NSF: variants seen among roughly 807,000 people sequenced by gnomAD.
NSF encodes the protein vesicle-fusing ATPase.
NSF carries 14 observed loss-of-function variants against 50.3 expected under a neutral mutation model. That is an observed-to-expected ratio of 0.28 (90% CI 0.18 to 0.44). The LOEUF is 0.44. Ranked by LOEUF, NSF falls within the 20% of genes least tolerant of loss-of-function variation. The pLI, the probability that NSF is intolerant of heterozygous loss-of-function variation, is 1.00. For missense variants in NSF, 218 were observed against 504.3 expected, an observed-to-expected ratio of 0.43 and a Z score of 5.44; for synonymous variants, 109 against 175.7, an observed-to-expected ratio of 0.62 and a Z score of 3.00.
intron 15 of NSF, chr17:46,722,020 C>T (rs922796029): frequency 1.2e-5 from 20 of 1,609,224 alleles, no homozygotes; most frequent in Non-Finnish European, 1.6e-5. Flanking sequence ...CTTCAGTTTC[C>T]TTGGCTGCCG....
intron 13 of NSF, among the ~76,000 whole-genome samples, chr17:46,710,591 G>A (rs995050616): frequency 2.6e-5 from 4 of 152,112 alleles, no homozygotes; most frequent in African/African-American, 7.2e-5. Context: ...TGTCTATTGC[G>A]CTGTTTCTAA....
Position 46,755,937 on chromosome 17 carries a change from C to A in NSF, c.*114C>A, listed in dbSNP as rs1410624807. 1.4e-5 allele frequency: 14 copies of A among 982,824 alleles called. No individual in the cohort carries two copies. The highest frequency in any genetic ancestry group is 1.9e-5 in the Non-Finnish European group (12 of 644,654). The allele number at this position is 982,824 out of a possible 1,614,324, so 60.9% of individuals were successfully genotyped here. A position where few individuals can be genotyped will look rare whatever the true frequency, so the allele number is the denominator to read the frequency against. On this transcript the variant is annotated 3_prime_UTR_variant, in exon 21 of 21. Transcript: ENST00000398238. Reference sequence around the variant, plus strand: ...GACTAAGTGGAACGTTCTCTACCTTCAACATGTGCTCGCTCTGCATGATTA... The same window carrying A: ...GACTAAGTGGAACGTTCTCTACCTTAAACATGTGCTCGCTCTGCATGATTA...
intron 15 of NSF, among the ~76,000 whole-genome samples, chr17:46,720,518 C>T (rs1159014074): frequency 1.3e-5 from 2 of 152,192 alleles, no homozygotes; most frequent in African/African-American, 4.8e-5. Context: ...GGTCCACTTC[C>T]TGAGGCAGTT....
intron 17 of NSF, among the ~76,000 whole-genome samples, chr17:46,735,592 C>T (rs981932428): frequency 1.3e-5 from 2 of 152,042 alleles, no homozygotes; most frequent in Non-Finnish European, 2.9e-5. Flanking sequence ...TCATGTGTTA[C>T]CTACTCTGTT....
In NSF at chr17:46,704,919, G is replaced by A. The variant is rs549082663; in HGVS notation, c.1470+65G>A. ...ATGATAATAATAACTCAGGCGAAAA[G>A]TAAGTGCCATTTACTCAGTATTATG... is the stretch of plus-strand genomic sequence containing the variant. On this transcript the variant is annotated intron_variant, in intron 13 of 20. Transcript: ENST00000398238. The A allele has an allele frequency of 1.0e-5, 16 of 1,527,182 alleles. No homozygotes were observed. In the East Asian group the frequency reaches 2.4e-4, roughly 23 times the overall value. The allele number at this position is 1,527,182 out of a possible 1,614,324, so 94.6% of individuals were successfully genotyped here. A position where few individuals can be genotyped will look rare whatever the true frequency, so the allele number is the denominator to read the frequency against.
intron 4 of NSF, among the ~76,000 whole-genome samples, chr17:46,633,824 T>A (rs138572019): frequency 0.16 from 15,610 of 98,176 alleles, 837 homozygotes; most frequent in East Asian, 0.42. Flanking sequence ...TAAGCTCTTT[T>A]GCCTATCAAA....
intron 9 of NSF, among the ~76,000 whole-genome samples, chr17:46,692,274 A>G (rs1279920777): frequency 8.7e-6 from 1 of 115,138 alleles, no homozygotes; most frequent in Non-Finnish European, 1.7e-5. Flanking sequence ...ATCATTATGC[A>G]GAAGAAACAG....
intron 9 of NSF, among the ~76,000 whole-genome samples, chr17:46,684,966 G>A (rs1372705790): frequency 1.0e-5 from 1 of 97,906 alleles, no homozygotes; most frequent in African/African-American, 4.1e-5. Flanking sequence ...AATGGCAATT[G>A]TAAGATAGAA....
intron 19 of NSF, among the ~76,000 whole-genome samples, chr17:46,753,368 C>T (rs548980357): frequency 5.4e-4 from 83 of 152,294 alleles, no homozygotes; most frequent in African/African-American, 1.9e-3. Context: ...GTAAATTTAT[C>T]TGAAAATAAA....
chr17:46,726,361 C>T (rs972385143), intron 15 of NSF, among the ~76,000 whole-genome samples, 188 bp from the exon 16 acceptor site: 1 of 152,192 alleles, frequency 6.6e-6, no homozygotes, highest in Non-Finnish European at 1.5e-5. Context: ...GCTGTTAGTG[C>T]TGAAAACAGC....
intron 15 of NSF, among the ~76,000 whole-genome samples, chr17:46,715,467 G>A (rs1212273360): frequency 6.6e-6 from 1 of 152,114 alleles, no homozygotes; most frequent in Non-Finnish European, 1.5e-5. Context: ...AATTCTATTT[G>A]CATTCTCCTA....
intron 17 of NSF, among the ~76,000 whole-genome samples, chr17:46,739,633 C>T (rs889412737): frequency 1.3e-5 from 2 of 151,736 alleles, no homozygotes; most frequent in Non-Finnish European, 2.9e-5. Flanking sequence ...TGGGCCCCTT[C>T]CTCTACTAAA....
Position 46,655,805 on chromosome 17 carries a change from G to A in NSF, c.745+12546G>A, listed in dbSNP as rs868257359. 1.1e-3 allele frequency among the ~76,000 whole-genome samples: 53 copies of A among 48,844 alleles called. 2 individuals carry two copies. Among genetic ancestry groups the A allele is most frequent in the Admixed American group, 1.3e-3 (4 of 3,192 alleles). 32.0% of individuals were successfully genotyped at this position (48,844 alleles called of 152,430 possible). A position where few individuals can be genotyped will look rare whatever the true frequency, so the allele number is the denominator to read the frequency against. ...TTGGATTTGTCTTATAAGTCGTAATGGCTCCAGGTGGGATACTGTGTCAGA... is the reference window on the plus strand; with the variant it reads ...TTGGATTTGTCTTATAAGTCGTAATAGCTCCAGGTGGGATACTGTGTCAGA... On this transcript the variant is annotated intron_variant, in intron 8 of 20. Coordinates refer to ENST00000398238, the MANE Select transcript of NSF (RefSeq NM_006178.4).
Position 46,623,304 on chromosome 17 carries a change from T to A in NSF, c.13-940T>A, listed in dbSNP as rs1194798020. On this transcript the variant is annotated intron_variant, in intron 1 of 20. Transcript: ENST00000398238. ...CTGCACTCCAGCCTGGGTGACAGAG[T>A]GAGACTCCATCTCAAAAAAAAAAAA... Among the ~76,000 whole-genome samples the A allele has an allele frequency of 1.7e-4, 5 of 29,542 alleles. No individual in the cohort carries two copies. In the Admixed American group the frequency reaches 2.1e-3, roughly 13 times the overall value. 19.4% of individuals were successfully genotyped at this position (29,542 alleles called of 152,430 possible).
At chr17:46,679,305 CTA>C (rs1461562632) in intron 9 of NSF, among the ~76,000 whole-genome samples, 11 of 139,328 alleles carry the variant, frequency 7.9e-5, no homozygotes, top group African/African-American at 2.8e-4. Flanking sequence ...TAACTTTTCT[CTA>C]TGTGTGATGT....
At position 46,732,283 on chromosome 17, in the gene NSF, A is replaced by G. The variant is rs537938806; in HGVS notation, c.1908+3349A>G. On this transcript the variant is annotated intron_variant, in intron 17 of 20. Coordinates refer to ENST00000398238, the MANE Select transcript of NSF (RefSeq NM_006178.4). ...TGTGTGCATGTGTGCACGTGCTCAA[A>G]TAAAAGAATCCCTTCAGGGGCACTA... Among the ~76,000 whole-genome samples the G allele has an allele frequency of 9.9e-5, 15 of 152,266 alleles. No individual in the cohort carries two copies. In the South Asian group the frequency reaches 3.1e-3, roughly 32 times the overall value.
At chr17:46,737,219 A>C (rs1463496769) in intron 17 of NSF, among the ~76,000 whole-genome samples, 1 of 152,204 alleles carries the variant, frequency 6.6e-6, no homozygotes, top group Non-Finnish European at 1.5e-5. Context: ...GGCACAGGTC[A>C]AGTAGCAAAT....
intron 17 of NSF, among the ~76,000 whole-genome samples, chr17:46,747,218 C>T (rs1004333942): frequency 6.6e-5 from 10 of 152,140 alleles, no homozygotes; most frequent in African/African-American, 2.4e-4. Context: ...GAAAAAGGGG[C>T]AAGTCATAGG....
chr17:46,622,287 C>G (rs2058073608), intron 1 of NSF, among the ~76,000 whole-genome samples: 1 of 145,868 alleles, frequency 6.9e-6, no homozygotes, highest in South Asian at 2.1e-4. Context: ...GAAACCCTGT[C>G]TCTGATGAAA....
Sources: allele counts gnomAD v4.1 joint callset (sites outside exome capture counted in the v4.1 genomes callset), GRCh38; gene constraint gnomAD v4.1.1; transcripts MANE v1.5; gene names NCBI Gene and HGNC (gene_info 2026-07-23, HGNC 2026-07-21).